MAPK10: variants seen among roughly 807,000 people sequenced by gnomAD.
The protein encoded by MAPK10 is JNK3 alpha protein kinase.
A neutral mutation model predicts 59.3 loss-of-function variants in MAPK10; 25 were observed. The ratio of observed to expected loss-of-function variants is 0.42; its 90% CI spans 0.31 to 0.59. MAPK10 has a LOEUF of 0.59. Ranked by LOEUF, MAPK10 falls within the 20% of genes least tolerant of loss-of-function variation. The probability of loss-of-function intolerance (pLI) is 0.15; values close to 1 mark genes in which losing one functional copy is unlikely to be tolerated. For synonymous variants in MAPK10, 190 were observed against 200.5 expected (o/e 0.95, Z 0.44); for missense variants, 351 against 568.9 (o/e 0.62, Z 3.90).
intron 2 of MAPK10, among the ~76,000 whole-genome samples, chr4:86,328,481 C>T (rs1054312241): frequency 1.3e-5 from 2 of 152,102 alleles, no homozygotes; most frequent in African/African-American, 4.8e-5. Flanking sequence ...TACCACGTGA[C>T]CCAGCAATCT....
At chr4:86,439,043 A>T (rs1749109071) in intron 1 of MAPK10, among the ~76,000 whole-genome samples, 1 of 152,182 alleles carries the variant, frequency 6.6e-6, no homozygotes, top group Non-Finnish European at 1.5e-5. Context: ...AAGAGGTTTC[A>T]GCATGATATT....
At chr4:86,581,523 A>G (rs548170901) in intron 1 of MAPK10, among the ~76,000 whole-genome samples, 8 of 152,274 alleles carry the variant, frequency 5.3e-5, no homozygotes, top group Non-Finnish European at 1.0e-4. Flanking sequence ...ACAAGCACAA[A>G]AATAACAAAG....
At chr4:86,278,103 T>C (rs1166031635) in intron 2 of MAPK10, among the ~76,000 whole-genome samples, 1 of 152,140 alleles carries the variant, frequency 6.6e-6, no homozygotes, top group East Asian at 1.9e-4. Flanking sequence ...TACATCACTA[T>C]TTTGGCATGT....
In MAPK10 at chr4:86,403,769, TG is replaced by T. The variant is rs368528774; in HGVS notation, c.-121-49126del. Among the ~76,000 whole-genome samples, 922 of 152,238 alleles carry T rather than the reference TG, an allele frequency of 6.1e-3. 5 individuals are homozygous for T. The highest frequency in any genetic ancestry group is 0.02 in the African/African-American group (823 of 41,526). ...CTCACTCACTATCATGAGAACAGCATGGGGAAAACTGCCCCCATGATCCAAT... is the reference window on the plus strand; with the variant it reads ...CTCACTCACTATCATGAGAACAGCATGGGAAAACTGCCCCCATGATCCAAT... On this transcript the variant is annotated intron_variant, in intron 1 of 13. Coordinates refer to the MAPK10 transcript ENST00000361569.
chr4:86,209,793 G>A (rs889311157), intron 2 of MAPK10, among the ~76,000 whole-genome samples: 1 of 151,848 alleles, frequency 6.6e-6, no homozygotes, highest in Non-Finnish European at 1.5e-5. Context: ...TGTATATGGA[G>A]CCACAAAATA....
chr4:86,098,647 C>G, intron 8 of MAPK10, 52 bp from the exon 9 acceptor site: 5 of 1,349,596 alleles, frequency 3.7e-6, no homozygotes, highest in Non-Finnish European at 5.3e-6. Flanking sequence ...GTAAAGTTAA[C>G]TAAGATAATT....
intron 3 of MAPK10, chr4:86,192,919 C>T (rs2080285526): frequency 6.6e-6 from 1 of 152,026 alleles, no homozygotes; most frequent in African/African-American, 2.4e-5. Flanking sequence ...ATTTATCTAC[C>T]TTTGGTTTTT....
At chr4:86,455,031 T>C (rs1020400782), upstream of MAPK10, among the ~76,000 whole-genome samples, 1 of 152,094 alleles carries the variant, frequency 6.6e-6, no homozygotes, top group Non-Finnish European at 1.5e-5. Context: ...CCAGTGAAAC[T>C]AAGCTTCATA....
intron 1 of MAPK10, among the ~76,000 whole-genome samples, chr4:86,536,937 T>C (rs1758287538): frequency 6.6e-6 from 1 of 152,096 alleles, no homozygotes; most frequent in South Asian, 2.1e-4. Context: ...TGCAGCAGGA[T>C]AGGGAAAGCC....
At chr4:86,467,851 C>A (rs1175284863) in intron 1 of MAPK10, among the ~76,000 whole-genome samples, 1 of 152,098 alleles carries the variant, frequency 6.6e-6, no homozygotes, top group Admixed American at 6.6e-5. Context: ...AATACCAACC[C>A]TTTTGTGTTC....
intron 7 of MAPK10, 132 bp from the exon 8 acceptor site, chr4:86,101,349 G>T (rs1159661875): frequency 1.3e-5 from 7 of 559,054 alleles, no homozygotes; most frequent in Non-Finnish European, 1.9e-5. Flanking sequence ...TCTAAATAAG[G>T]CAAATGATTA....
At chr4:86,410,870 TC>T (rs1228680712) in intron 1 of MAPK10, among the ~76,000 whole-genome samples, 2 of 152,192 alleles carry the variant, frequency 1.3e-5, no homozygotes, top group African/African-American at 2.4e-5. Flanking sequence ...CATTGATTTT[TC>T]GGAAGGGTTT....
intron 1 of MAPK10, among the ~76,000 whole-genome samples, chr4:86,485,793 C>T (rs1753940004): frequency 6.6e-6 from 1 of 152,164 alleles, no homozygotes; most frequent in Admixed American, 6.5e-5. Flanking sequence ...TTCAATAGGA[C>T]TATTGTCCTT....
intron 1 of MAPK10, among the ~76,000 whole-genome samples, chr4:86,438,300 T>A (rs1421596985): frequency 6.6e-6 from 1 of 152,190 alleles, no homozygotes; most frequent in East Asian, 1.9e-4. Flanking sequence ...AAAAATATGA[T>A]CATGCATTTT....
intron 4 of MAPK10, among the ~76,000 whole-genome samples, chr4:86,133,781 T>C (rs2096545948): frequency 6.6e-6 from 1 of 152,150 alleles, no homozygotes; most frequent in Non-Finnish European, 1.5e-5. Context: ...GTAAATAAGT[T>C]GAGGAGATAA....
chr4:86,554,582 C>A (rs1273562510), intron 1 of MAPK10, among the ~76,000 whole-genome samples: 1 of 152,138 alleles, frequency 6.6e-6, no homozygotes, highest in Non-Finnish European at 1.5e-5. Flanking sequence ...AAAAATCTGA[C>A]CATTCTTCCC....
intron 2 of MAPK10, among the ~76,000 whole-genome samples, chr4:86,331,911 C>T (rs911254458): frequency 5.9e-5 from 9 of 152,072 alleles, no homozygotes; most frequent in African/African-American, 1.7e-4. Context: ...CAAATTGATG[C>T]TTTAGCTGCT....
chr4:86,075,776 G>A (rs1020604663), intron 9 of MAPK10, among the ~76,000 whole-genome samples: 7 of 152,150 alleles, frequency 4.6e-5, no homozygotes, highest in Admixed American at 1.3e-4. Flanking sequence ...TGCGTGCTGG[G>A]AGAACCACTG....
intron 2 of MAPK10, among the ~76,000 whole-genome samples, chr4:86,295,178 C>T (rs141900942): frequency 8.8e-4 from 134 of 152,314 alleles, no homozygotes; most frequent in African/African-American, 3.1e-3. Context: ...CTTTCACTTC[C>T]ATGTTATGAA....
Sources: gnomAD v4.1 joint callset for allele counts (sites outside exome capture counted in the v4.1 genomes callset) on GRCh38, gnomAD v4.1.1 for gene constraint, MANE v1.5 for transcripts, NCBI Gene and HGNC (gene_info 2026-07-23, HGNC 2026-07-21) for gene names.